Variants in PCCA observed in about 807,000 individuals in gnomAD.
The protein encoded by PCCA is propionyl-CoA carboxylase subunit alpha.
In PCCA, 74 loss-of-function variants were observed where a neutral mutation model predicts 101.3. The observed-to-expected ratio is 0.73, with a 90% CI of 0.61 to 0.89. PCCA has a LOEUF of 0.89. PCCA is among the 40% of genes least tolerant of loss of function. The pLI is 0.00. For missense variants in PCCA, 891 were observed against 907.0 expected (o/e 0.98, Z 0.23); for synonymous variants, 294 against 313.6 (o/e 0.94, Z 0.66).
At chr13:100,375,068 C>G (rs987908137) in intron 19 of PCCA, among the ~76,000 whole-genome samples, 1 of 152,052 alleles carries the variant, frequency 6.6e-6, no homozygotes, top group Non-Finnish European at 1.5e-5. Context: ...TACATTGTGT[C>G]TTTGTTCTCA....
chr13:100,377,917 C>T (rs1287808370), intron 19 of PCCA, among the ~76,000 whole-genome samples: 2 of 152,026 alleles, frequency 1.3e-5, no homozygotes, highest in Non-Finnish European at 2.9e-5. Flanking sequence ...GTTCCTTGTT[C>T]CTTCCTATTT....
intron 20 of PCCA, among the ~76,000 whole-genome samples, chr13:100,447,086 T>G (rs913338879): frequency 1.3e-5 from 2 of 152,198 alleles, no homozygotes; most frequent in African/African-American, 4.8e-5. Context: ...GGATAAATTC[T>G]TAGAAGTAAA....
At chr13:100,107,033 C>T (rs1474062876) in intron 2 of PCCA, among the ~76,000 whole-genome samples, 1 of 152,182 alleles carries the variant, frequency 6.6e-6, no homozygotes, top group African/African-American at 2.4e-5. Context: ...TGTAACCATT[C>T]ATTAAATACT....
At chr13:100,158,410 T>A (rs1229200956) in intron 6 of PCCA, among the ~76,000 whole-genome samples, 1 of 152,192 alleles carries the variant, frequency 6.6e-6, no homozygotes, top group Non-Finnish European at 1.5e-5. Context: ...ATTATTAAGA[T>A]CACAGAATTG....
intron 21 of PCCA, among the ~76,000 whole-genome samples, chr13:100,514,610 G>C (rs1487888090): frequency 6.6e-6 from 1 of 152,068 alleles, no homozygotes; most frequent in Admixed American, 6.5e-5. Context: ...ATTTATTCAC[G>C]GAGAGGATAG....
chr13:100,498,157 C>T (rs1283692853), intron 21 of PCCA, among the ~76,000 whole-genome samples: 1 of 151,024 alleles, frequency 6.6e-6, no homozygotes, highest in Non-Finnish European at 1.5e-5. Context: ...CGTGAGCCAC[C>T]ACACCCAGCC....
chr13:100,389,247 G>A (rs983473182), intron 19 of PCCA, among the ~76,000 whole-genome samples: 3 of 152,172 alleles, frequency 2.0e-5, no homozygotes, highest in African/African-American at 7.2e-5. Flanking sequence ...ACCTACACAG[G>A]AGGTTTGGGG....
At chr13:100,258,076 A>G (rs1026471986) in intron 9 of PCCA, among the ~76,000 whole-genome samples, 29 of 152,236 alleles carry the variant, frequency 1.9e-4, no homozygotes, top group Non-Finnish European at 1.3e-4. Flanking sequence ...TATTACCTCA[A>G]TATGTAGTTG....
intron 6 of PCCA, among the ~76,000 whole-genome samples, chr13:100,176,891 TA>T (rs1014448279): frequency 6.6e-6 from 1 of 152,196 alleles, no homozygotes; most frequent in Admixed American, 6.5e-5. Context: ...GTAGCCTTTG[TA>T]AAAAATGTAA....
intron 16 of PCCA, among the ~76,000 whole-genome samples, chr13:100,326,004 G>A (rs2152725268): frequency 6.6e-6 from 1 of 152,316 alleles, no homozygotes; most frequent in South Asian, 2.1e-4. Flanking sequence ...ACACAGAGCT[G>A]TATGGAAACG....
chr13:100,216,712 A>G lies in PCCA; in HGVS notation c.600+7249A>G, dbSNP rs572916712. Among the ~76,000 whole-genome samples, 10 of 152,372 alleles carry G rather than the reference A, an allele frequency of 6.6e-5. No individual in the cohort carries two copies. The South Asian group carries it at 2.1e-3, about 32-fold the overall frequency. On this transcript the variant is annotated intron_variant, in intron 7 of 23. Coordinates refer to ENST00000376285, the MANE Select transcript of PCCA (RefSeq NM_000282.4). ...CCAAGAGAAAAAATTAAAAGACAAT[A>G]GAAACATATCCACATATGCTTCAGA...
Position 100,515,518 on chromosome 13 carries a change from C to G in PCCA, c.1991C>G (p.Ser664Cys), listed in dbSNP as rs749371263. Residue 664 changes from serine to cysteine, a missense_variant, in exon 22 of 24, where the codon TCC (serine) becomes TGC (cysteine). Physicochemically the swap from Ser to Cys is moderately radical, Grantham distance 112. Transcript: ENST00000376285. ...GAGGACACAAGCAGTGTTCTGCGTT[C>G]CCCGATGCCCGGAGTGGTGGTGGCC... is the stretch of plus-strand genomic sequence containing the variant. Reference protein sequence around the residue: ...VTEDTSSVLRSPMPGVVVAVS... With the variant: ...VTEDTSSVLRCPMPGVVVAVS... The G allele has an allele frequency of 3.7e-6, 6 of 1,614,108 alleles. No individual in the cohort carries two copies. Among genetic ancestry groups the G allele is most frequent in the African/African-American group, 1.3e-5 (1 of 75,038 alleles).
intron 21 of PCCA, among the ~76,000 whole-genome samples, chr13:100,494,765 G>A (rs4772299): frequency 0.22 from 33,304 of 151,860 alleles, 4,750 homozygotes; most frequent in East Asian, 0.55. Flanking sequence ...GACTCTGCCC[G>A]GCCCGCTGGC....
intron 16 of PCCA, among the ~76,000 whole-genome samples, chr13:100,328,371 TATA>T (rs58866207): frequency 0.47 from 67,039 of 141,558 alleles, 15,972 homozygotes; most frequent in Middle Eastern, 0.51. Flanking sequence ...TCAAAAAATA[TATA>T]ATAATAATAA....
chr13:100,105,299 A>C (rs1380882354), intron 2 of PCCA, among the ~76,000 whole-genome samples: 1 of 152,170 alleles, frequency 6.6e-6, no homozygotes, highest in Non-Finnish European at 1.5e-5. Flanking sequence ...CTGTTATGAA[A>C]GCTGTAGTTT....
At chr13:100,120,866 T>C (rs59406319) in intron 4 of PCCA, among the ~76,000 whole-genome samples, 18,991 of 152,158 alleles carry the variant, frequency 0.12, 1,395 homozygotes, top group African/African-American at 0.2. Flanking sequence ...TTGATTGATA[T>C]TGCATTGTGT....
At chr13:100,252,378 G>A (rs968658523) in intron 8 of PCCA, among the ~76,000 whole-genome samples, 12 of 152,254 alleles carry the variant, frequency 7.9e-5, no homozygotes, top group South Asian at 4.2e-4. Flanking sequence ...GATTAGTACC[G>A]CTGGATTAGG....
chr13:100,190,000 A>G (rs1261503752), intron 6 of PCCA, among the ~76,000 whole-genome samples: 1 of 152,220 alleles, frequency 6.6e-6, no homozygotes, highest in Non-Finnish European at 1.5e-5. Flanking sequence ...TATAAAGAGG[A>G]CAGAGAATGT....
rs1953610727 is a variant in PCCA at position 100,089,326 on chromosome 13, GC to G, written c.105+106del. On this transcript the variant is annotated intron_variant, in intron 1 of 23. Coordinates refer to ENST00000376285, the MANE Select transcript of PCCA (RefSeq NM_000282.4). The stretch of plus-strand genomic sequence containing the variant: ...GGGAGAGCGCTGGCTGGGTCCGGCT[GC>G]CCCCGCGCCCCGGTTCCGCATCAGC... 7 of 1,311,608 alleles carry G rather than the reference GC, an allele frequency of 5.3e-6. No individual in the cohort carries two copies. In the South Asian group the frequency reaches 8.1e-5, roughly 15 times the overall value. The allele number at this position is 1,311,608 out of a possible 1,614,324, so 81.2% of individuals were successfully genotyped here.
Sources: gnomAD v4.1 joint callset for allele counts (sites outside exome capture counted in the v4.1 genomes callset) on GRCh38, gnomAD v4.1.1 for gene constraint, MANE v1.5 for transcripts, NCBI Gene and HGNC (gene_info 2026-07-23, HGNC 2026-07-21) for gene names.